The following MACROD2 variants were observed in gnomAD, a reference collection of about 807,000 sequenced individuals.
MACROD2 encodes ADP-ribose glycohydrolase MACROD2.
A neutral mutation model predicts 70.4 loss-of-function variants in MACROD2; 36 were observed. That is an observed-to-expected ratio of 0.51 (90% CI 0.39 to 0.68). MACROD2 has a LOEUF of 0.68. Among genes scored for constraint, MACROD2 ranks in the 30% least tolerant of loss-of-function variants. The probability of loss-of-function intolerance (pLI) is 0.00; values close to 1 mark genes in which losing one functional copy is unlikely to be tolerated. For synonymous variants in MACROD2, 172 were observed against 178.8 expected, an observed-to-expected ratio of 0.96 and a Z score of 0.30; for missense variants, 496 against 538.4, an observed-to-expected ratio of 0.92 and a Z score of 0.78.
At chr20:15,885,298 A>G (rs970996851) in intron 9 of MACROD2, among the ~76,000 whole-genome samples, 2 of 152,134 alleles carry the variant, frequency 1.3e-5, no homozygotes, top group African/African-American at 4.8e-5. Context: ...AAATGCAGCA[A>G]AGCAGCACTT....
chr20:14,363,216 A>G (rs2083239846), intron 3 of MACROD2, among the ~76,000 whole-genome samples: 1 of 152,208 alleles, frequency 6.6e-6, no homozygotes, highest in Non-Finnish European at 1.5e-5. Context: ...TAAATATAAT[A>G]TAATAATTGT....
At chr20:14,866,815 A>G (rs191999714) in intron 5 of MACROD2, among the ~76,000 whole-genome samples, 20 of 152,180 alleles carry the variant, frequency 1.3e-4, no homozygotes, top group Admixed American at 1.1e-3. Context: ...GGAGTAAGCA[A>G]TTTTGTACAT....
chr20:15,237,287 C>G (rs1242507248), intron 6 of MACROD2, among the ~76,000 whole-genome samples: 6 of 152,146 alleles, frequency 3.9e-5, no homozygotes, highest in African/African-American at 1.4e-4. Flanking sequence ...GAAAATTATG[C>G]TACAGATGGC....
At chr20:14,321,000 C>A (rs78087508) in intron 3 of MACROD2, among the ~76,000 whole-genome samples, 1 of 152,040 alleles carries the variant, frequency 6.6e-6, no homozygotes, top group South Asian at 2.1e-4. Flanking sequence ...GAGCAGTGAA[C>A]GGTCACTGCT....
intron 3 of MACROD2, among the ~76,000 whole-genome samples, chr20:14,385,155 G>A (rs903286088): frequency 2.6e-5 from 4 of 152,068 alleles, no homozygotes; most frequent in Non-Finnish European, 4.4e-5. Flanking sequence ...ATAATCAATG[G>A]AGAAAAAGTT....
At chr20:15,258,507 C>G (rs1246785712) in intron 6 of MACROD2, among the ~76,000 whole-genome samples, 1 of 152,056 alleles carries the variant, frequency 6.6e-6, no homozygotes, top group Non-Finnish European at 1.5e-5. Flanking sequence ...CTGCAGTATT[C>G]AGGAAAGTAA....
At chr20:14,943,754 T>C (rs938935074) in intron 5 of MACROD2, among the ~76,000 whole-genome samples, 2 of 152,198 alleles carry the variant, frequency 1.3e-5, no homozygotes, top group Non-Finnish European at 2.9e-5. Context: ...ATTATGCTTC[T>C]TGATTTGTTT....
intron 6 of MACROD2, among the ~76,000 whole-genome samples, chr20:15,240,929 T>C (rs1225450989): frequency 6.6e-6 from 1 of 152,328 alleles, no homozygotes; most frequent in South Asian, 2.1e-4. Context: ...CTTGTTCTTG[T>C]TCTTTCCAAC....
At chr20:14,196,389 G>A (rs1262837821) in intron 3 of MACROD2, among the ~76,000 whole-genome samples, 4 of 152,180 alleles carry the variant, frequency 2.6e-5, no homozygotes, top group Non-Finnish European at 5.9e-5. Context: ...AGCCATTTGA[G>A]GGACTGAGGC....
intron 5 of MACROD2, among the ~76,000 whole-genome samples, chr20:14,914,260 A>G (rs1328453742): frequency 6.6e-6 from 1 of 152,162 alleles, no homozygotes; most frequent in Non-Finnish European, 1.5e-5. Context: ...GTGAGGGGAC[A>G]TTTCATTCAA....
At chr20:14,310,948 T>C (rs1468290864) in intron 3 of MACROD2, among the ~76,000 whole-genome samples, 1 of 152,228 alleles carries the variant, frequency 6.6e-6, no homozygotes, top group East Asian at 1.9e-4. Flanking sequence ...CGCGTTTGTG[T>C]TTAAGCTAAG....
intron 3 of MACROD2, among the ~76,000 whole-genome samples, chr20:14,406,552 C>G (rs1379729543): frequency 3.3e-5 from 5 of 152,038 alleles, no homozygotes; most frequent in Admixed American, 2.0e-4. Context: ...TAGTCTCCTT[C>G]TTTTGAACTT....
chr20:14,814,822 G>A (rs995246565), intron 5 of MACROD2, among the ~76,000 whole-genome samples: 3 of 151,634 alleles, frequency 2.0e-5, no homozygotes, highest in Non-Finnish European at 4.4e-5. Flanking sequence ...GATGATAAAA[G>A]TTAAAAAAAA....
At chr20:14,993,505 A>G (rs893024401) in intron 5 of MACROD2, among the ~76,000 whole-genome samples, 2 of 152,158 alleles carry the variant, frequency 1.3e-5, no homozygotes, top group African/African-American at 4.8e-5. Flanking sequence ...TTGCCTCACA[A>G]AAATATTTTG....
intron 8 of MACROD2, among the ~76,000 whole-genome samples, chr20:15,816,991 G>T (rs765219991): frequency 6.6e-6 from 1 of 152,120 alleles, no homozygotes; most frequent in Non-Finnish European, 1.5e-5. Flanking sequence ...AAAAAAAAAC[G>T]ATGCTCGTTA....
intron 3 of MACROD2, among the ~76,000 whole-genome samples, chr20:14,136,369 C>T (rs769010098): frequency 6.6e-6 from 1 of 152,044 alleles, no homozygotes; most frequent in Non-Finnish European, 1.5e-5. Context: ...TTTGGGAGGC[C>T]GAGACAGACC....
chr20:15,440,599 T>A (rs2046482938), intron 7 of MACROD2, among the ~76,000 whole-genome samples: 1 of 152,198 alleles, frequency 6.6e-6, no homozygotes, highest in Non-Finnish European at 1.5e-5. Flanking sequence ...TGGAAAAAAA[T>A]TAGGGCATTC....
chr20:14,711,377 GA>G (rs1354686276), intron 5 of MACROD2, among the ~76,000 whole-genome samples: 1 of 152,172 alleles, frequency 6.6e-6, no homozygotes, highest in Non-Finnish European at 1.5e-5. Context: ...GAAGAAGTTA[GA>G]AAAGCCCAAG....
At chr20:14,521,995 TG>T (rs1247223534) in intron 4 of MACROD2, among the ~76,000 whole-genome samples, 1 of 152,186 alleles carries the variant, frequency 6.6e-6, no homozygotes, top group African/African-American at 2.4e-5. Flanking sequence ...GTTTTCAGTC[TG>T]TGCTTGGTGC....
Sources: gnomAD v4.1 joint callset for allele counts (sites outside exome capture counted in the v4.1 genomes callset) on GRCh38, gnomAD v4.1.1 for gene constraint, MANE v1.5 for transcripts, NCBI Gene and HGNC (gene_info 2026-07-23, HGNC 2026-07-21) for gene names.